LAMC1: variants seen among roughly 807,000 people sequenced by gnomAD.
The protein encoded by LAMC1 is laminin subunit gamma 1.
Under a neutral mutation model 173.6 loss-of-function variants are expected in LAMC1, and 38 were observed. That is an observed-to-expected ratio of 0.22 (90% CI 0.17 to 0.29). The LOEUF (loss-of-function observed/expected upper bound fraction) is 0.29. Ranked by LOEUF, LAMC1 falls within the 10% of genes least tolerant of loss-of-function variation. The pLI is 1.00. For synonymous variants in LAMC1, 746 were observed against 749.1 expected, an observed-to-expected ratio of 1.00 and a Z score of 0.07; for missense variants, 1,824 against 2,051.8, an observed-to-expected ratio of 0.89 and a Z score of 2.14.
At chr1:183,024,268 C>G (rs1653621364) in intron 1 of LAMC1, 134 bp downstream of exon 1, 1 of 820,700 alleles carries the variant, frequency 1.2e-6, no homozygotes, top group East Asian at 2.7e-5. Context: ...ATGGGCCACA[C>G]AGAAACTCCT....
chr1:183,071,591 C>G (rs989874415), intron 1 of LAMC1, among the ~76,000 whole-genome samples: 5 of 152,116 alleles, frequency 3.3e-5, no homozygotes, highest in African/African-American at 1.2e-4. Context: ...AATTTGAGTC[C>G]CTGAAACACA....
At chr1:183,139,802 G>A (rs571387881) in intron 26 of LAMC1, among the ~76,000 whole-genome samples, 4 of 152,178 alleles carry the variant, frequency 2.6e-5, no homozygotes, top group African/African-American at 9.7e-5. Context: ...TTTCCCAAGT[G>A]TATTTACCTT....
Position 183,125,503 on chromosome 1 carries a change from T to C in LAMC1, c.2754T>C (p.Ala918=), listed in dbSNP as rs1455147122. 2 of 1,613,402 alleles carry C rather than the reference T, an allele frequency of 1.2e-6. No individual in the cohort carries two copies. Among genetic ancestry groups the C allele is most frequent in the Non-Finnish European group, 1.7e-6 (2 of 1,179,622 alleles). Residue 918 remains alanine (A), a synonymous_variant, in exon 15 of 28, where the codon GCT becomes GCC. Transcript: ENST00000258341. ...ACGTGACTGGCCAGGACTGTGGTGC[T>C]TGTGACCCTGGATTCTACAATCTGC... ...LPHVTGQDCG[A]CDPGFYNLQS...
intron 15 of LAMC1, among the ~76,000 whole-genome samples, chr1:183,125,792 G>A (rs946263486): frequency 2.6e-5 from 4 of 152,104 alleles, no homozygotes; most frequent in Middle Eastern, 3.2e-3. Context: ...ACAAATTGCC[G>A]GGTCCTTTCT....
Position 183,134,467 on chromosome 1 carries a change from CTA to C in LAMC1, c.3850-189_3850-188del, listed in dbSNP as rs1338175889. The stretch of plus-strand genomic sequence containing the variant: ...AATGCATTTGTCAAAACTCATCAAA[CTA>C]TATGTGGATTCTGTGAACTTCAGTG... On this transcript the variant is annotated intron_variant, in intron 22 of 27. Coordinates refer to ENST00000258341, the MANE Select transcript of LAMC1 (RefSeq NM_002293.4). Among the ~76,000 whole-genome samples, 4 of 152,252 alleles carry C rather than the reference CTA, an allele frequency of 2.6e-5. No individual in the cohort carries two copies. The East Asian group carries it at 5.8e-4, about 22-fold the overall frequency.
At chr1:183,109,716 C>T (rs1449907926) in intron 3 of LAMC1, among the ~76,000 whole-genome samples, 1 of 152,120 alleles carries the variant, frequency 6.6e-6, no homozygotes, top group East Asian at 1.9e-4. Flanking sequence ...GTAGTTGAAG[C>T]TATGAGACTG....
intron 1 of LAMC1, among the ~76,000 whole-genome samples, chr1:183,046,582 A>C (rs928662891): frequency 6.6e-6 from 1 of 152,020 alleles, no homozygotes; most frequent in African/African-American, 2.4e-5. Context: ...TTGCTATTAT[A>C]ATTTTTTCTG....
At chr1:183,127,462 C>A in intron 17 of LAMC1, 58 bp downstream of exon 17, 1 of 1,478,252 alleles carries the variant, frequency 6.8e-7, no homozygotes. Context: ...TGGCAACTTA[C>A]TGTGCACTAA....
At chr1:183,097,965 A>C (rs914322657) in intron 1 of LAMC1, among the ~76,000 whole-genome samples, 6 of 152,050 alleles carry the variant, frequency 3.9e-5, no homozygotes, top group Non-Finnish European at 8.8e-5. Flanking sequence ...ACATGGGGTG[A>C]GGAGTGGAAG....
intron 1 of LAMC1, among the ~76,000 whole-genome samples, chr1:183,041,835 G>T (rs1410036178): frequency 6.6e-6 from 1 of 152,166 alleles, no homozygotes; most frequent in African/African-American, 2.4e-5. Flanking sequence ...GGTAGTAGGG[G>T]TTCAAAAAAG....
chr1:183,048,938 A>G (rs577829727), intron 1 of LAMC1, among the ~76,000 whole-genome samples: 2 of 152,344 alleles, frequency 1.3e-5, no homozygotes, highest in South Asian at 4.1e-4. Flanking sequence ...GTTGTTACCT[A>G]GTATTAACAT....
intron 11 of LAMC1, 52 bp from the exon 12 acceptor site, chr1:183,121,671 A>G: frequency 1.3e-6 from 2 of 1,496,044 alleles, no homozygotes; most frequent in Non-Finnish European, 9.1e-7. Context: ...ACTTTACACA[A>G]GGTTTGGAAA....
chr1:183,040,258 T>G (rs1654092117), intron 1 of LAMC1, among the ~76,000 whole-genome samples: 1 of 152,234 alleles, frequency 6.6e-6, no homozygotes, highest in East Asian at 1.9e-4. Context: ...TGTGTTCAAC[T>G]GCCTGGTTAC....
intron 1 of LAMC1, among the ~76,000 whole-genome samples, chr1:183,072,850 C>T (rs1655044364): frequency 6.6e-6 from 1 of 152,208 alleles, no homozygotes; most frequent in South Asian, 2.1e-4. Context: ...GTTGCGTGCT[C>T]TTTATGAGAA....
At chr1:183,124,986 G>T in intron 14 of LAMC1, 110 bp downstream of exon 14, 1 of 1,378,436 alleles carries the variant, frequency 7.3e-7, no homozygotes. Flanking sequence ...GAAATACATT[G>T]TGAACCGCTT....
intron 1 of LAMC1, among the ~76,000 whole-genome samples, chr1:183,082,317 G>GA (rs765534288): frequency 1.3e-5 from 2 of 152,228 alleles, no homozygotes. Flanking sequence ...ATGTTTAGAA[G>GA]AAACTGCCAA....
At chr1:183,132,256 C>A in intron 20 of LAMC1, 144 bp from the exon 21 acceptor site, 1 of 547,382 alleles carries the variant, frequency 1.8e-6, no homozygotes, top group Admixed American at 3.3e-5. Flanking sequence ...CACGCCACTG[C>A]ACACCAGCCT....
At chr1:183,038,235 C>T (rs1039071336) in intron 1 of LAMC1, among the ~76,000 whole-genome samples, 1 of 152,082 alleles carries the variant, frequency 6.6e-6, no homozygotes, top group East Asian at 1.9e-4. Context: ...GGGGTTCTAC[C>T]ATGTTGGCCA....
At position 183,125,656 on chromosome 1, in the gene LAMC1, C is replaced by G. The variant is rs1278637666; in HGVS notation, c.2801+106C>G. On this transcript the variant is annotated intron_variant, in intron 15 of 27. Transcript: ENST00000258341. ...ATTGACTGTTCAGAAATTACTGGAG[C>G]GCCTAATGTAGGCAAGGCATCCTTC... 3 of 854,800 alleles carry G rather than the reference C, an allele frequency of 3.5e-6. No homozygotes were observed. The African/African-American group carries it at 5.2e-5, about 15-fold the overall frequency. 53.0% of individuals were successfully genotyped at this position (854,800 alleles called of 1,614,324 possible). A position where few individuals can be genotyped will look rare whatever the true frequency, so the allele number is the denominator to read the frequency against.
Sources: gnomAD v4.1 joint callset for allele counts (sites outside exome capture counted in the v4.1 genomes callset) on GRCh38, gnomAD v4.1.1 for gene constraint, MANE v1.5 for transcripts, NCBI Gene and HGNC (gene_info 2026-07-23, HGNC 2026-07-21) for gene names.